AGPS: variants seen among roughly 807,000 people sequenced by gnomAD.
The protein encoded by AGPS is alkyldihydroxyacetonephosphate synthase, peroxisomal.
Under a neutral mutation model 90.7 loss-of-function variants are expected in AGPS, and 26 were observed. That is an observed-to-expected ratio of 0.29 (90% CI 0.21 to 0.40). The LOEUF is 0.40. Ranked by LOEUF, AGPS falls within the 10% of genes least tolerant of loss-of-function variation. The pLI is 1.00. For synonymous variants in AGPS, 294 were observed against 285.3 expected (o/e 1.03, Z -0.31); for missense variants, 540 against 816.1 (o/e 0.66, Z 4.12).
rs2105576480 is a variant in AGPS, at chr2:177,393,058, C to T, written c.260+9C>T. 1 of 1,550,266 alleles carries T rather than the reference C, an allele frequency of 6.5e-7. No individual in the cohort carries two copies. Among genetic ancestry groups the T allele is most frequent in the Non-Finnish European group, 8.7e-7 (1 of 1,146,770 alleles). On this transcript the variant is annotated intron_variant, in intron 1 of 19. Coordinates refer to ENST00000264167, the MANE Select transcript of AGPS (RefSeq NM_003659.4). ...ACCATCCCAAAGAAGCGGTGAGTAG[C>T]GGTATGTGGAAGGAGTTAGCGTCGA...
intron 1 of AGPS, among the ~76,000 whole-genome samples, chr2:177,394,152 T>G (rs983236541): frequency 6.6e-6 from 1 of 152,112 alleles, no homozygotes; most frequent in Non-Finnish European, 1.5e-5. Flanking sequence ...CATACATGAG[T>G]CTTTACAAAA....
intron 19 of AGPS, among the ~76,000 whole-genome samples, chr2:177,537,069 A>G (rs1302829736): frequency 7.9e-5 from 12 of 152,184 alleles, no homozygotes; most frequent in Admixed American, 7.9e-4. Flanking sequence ...TTTGAATTCA[A>G]TTAGTATGAT....
rs1043788537 is a variant in AGPS at position 177,540,900 on chromosome 2, T to A, written c.*2705T>A. 3 of 152,206 alleles carry A rather than the reference T, an allele frequency of 2.0e-5. No homozygotes were observed. Among genetic ancestry groups the A allele is most frequent in the East Asian group, 3.9e-4 (2 of 5,176 alleles). The allele number at this position is 152,206 out of a possible 1,614,324, so 9.4% of individuals were successfully genotyped here. On this transcript the variant is annotated 3_prime_UTR_variant, in exon 20 of 20. Coordinates refer to ENST00000264167, the MANE Select transcript of AGPS (RefSeq NM_003659.4). Reference sequence around the variant, plus strand: ...TTAGAGAAACTGTTGCCTTAATGTTTGGTGCAATTTCTAGTAGTGCATAAG... The same window carrying A: ...TTAGAGAAACTGTTGCCTTAATGTTAGGTGCAATTTCTAGTAGTGCATAAG...
At chr2:177,453,654 A>G (rs1167695746) in intron 8 of AGPS, among the ~76,000 whole-genome samples, 2 of 147,386 alleles carry the variant, frequency 1.4e-5, no homozygotes, top group Non-Finnish European at 3.0e-5. Flanking sequence ...CTTTATAACT[A>G]TAATACCATT....
chr2:177,423,696 C>G (rs1430242132), intron 2 of AGPS, among the ~76,000 whole-genome samples: 1 of 152,106 alleles, frequency 6.6e-6, no homozygotes, highest in African/African-American at 2.4e-5. Flanking sequence ...ACATTTCAAG[C>G]CCAGGCATTA....
intron 15 of AGPS, 49 bp from the exon 16 acceptor site, chr2:177,507,921 C>A: frequency 8.0e-7 from 1 of 1,246,706 alleles, no homozygotes; most frequent in South Asian, 1.2e-5. Context: ...GTTATTGATT[C>A]TTCTGCATCT....
At chr2:177,490,846 CTTTTTTTTTTTTTT>C (rs61555724) in intron 11 of AGPS, among the ~76,000 whole-genome samples, 2 of 58,200 alleles carry the variant, frequency 3.4e-5, no homozygotes, top group Non-Finnish European at 6.1e-5. Flanking sequence ...AAGTTGCAGA[CTTTTTTTTTTTTTT>C]TTTTTTTTTT....
intron 17 of AGPS, among the ~76,000 whole-genome samples, chr2:177,518,936 G>A (rs1162299061): frequency 1.3e-5 from 2 of 151,930 alleles, no homozygotes; most frequent in African/African-American, 2.4e-5. Context: ...TGAGGCCTAG[G>A]GAGAAAGGTG....
At chr2:177,524,760 GT>G (rs2079065937) in intron 19 of AGPS, among the ~76,000 whole-genome samples, 1 of 152,018 alleles carries the variant, frequency 6.6e-6, no homozygotes, top group African/African-American at 2.4e-5. Flanking sequence ...TTCTAGTTTT[GT>G]TTGTTGCTAT....
intron 10 of AGPS, among the ~76,000 whole-genome samples, chr2:177,474,136 A>C (rs1266877781): frequency 6.6e-6 from 1 of 152,212 alleles, no homozygotes; most frequent in African/African-American, 2.4e-5. Context: ...TAAAATTTGG[A>C]TATGTAGAAA....
chr2:177,494,305 G>A (rs1688350524), intron 12 of AGPS, among the ~76,000 whole-genome samples: 1 of 152,118 alleles, frequency 6.6e-6, no homozygotes, highest in African/African-American at 2.4e-5. Flanking sequence ...ATTCTTCTAA[G>A]TTAGTCATAA....
intron 5 of AGPS, among the ~76,000 whole-genome samples, chr2:177,437,782 A>G (rs1686458661): frequency 6.6e-6 from 1 of 152,112 alleles, no homozygotes; most frequent in Non-Finnish European, 1.5e-5. Flanking sequence ...AAATTGGCTC[A>G]TTCACGGACT....
chr2:177,415,123 A>G (rs959100301), intron 1 of AGPS, among the ~76,000 whole-genome samples: 3 of 152,026 alleles, frequency 2.0e-5, no homozygotes, highest in Non-Finnish European at 2.9e-5. Flanking sequence ...TCGTGTTTCT[A>G]TATGCATATC....
chr2:177,493,950 CTAAA>C (rs1688340868), intron 12 of AGPS, among the ~76,000 whole-genome samples: 1 of 151,882 alleles, frequency 6.6e-6, no homozygotes, highest in African/African-American at 2.4e-5. Flanking sequence ...ATGTGGAAGG[CTAAA>C]TAAAAGGAGG....
At chr2:177,432,534 C>T (rs1005170002) in intron 2 of AGPS, among the ~76,000 whole-genome samples, 4 of 152,196 alleles carry the variant, frequency 2.6e-5, no homozygotes, top group African/African-American at 4.8e-5. Context: ...TCCATGTATT[C>T]TGCAATGCTA....
intron 19 of AGPS, 128 bp from the exon 20 acceptor site, chr2:177,537,946 A>C (rs2079198703): frequency 1.5e-6 from 2 of 1,356,936 alleles, no homozygotes; most frequent in African/African-American, 1.4e-5. Context: ...AAATCAAATA[A>C]AGCAAAACAT....
intron 14 of AGPS, among the ~76,000 whole-genome samples, chr2:177,500,149 T>G (rs1688517167): frequency 6.6e-6 from 1 of 151,984 alleles, no homozygotes; most frequent in South Asian, 2.1e-4. Flanking sequence ...TTGTGTTTAA[T>G]CGAAGGTATT....
intron 1 of AGPS, among the ~76,000 whole-genome samples, chr2:177,397,272 C>T (rs1685208317): frequency 6.6e-6 from 1 of 152,066 alleles, no homozygotes; most frequent in Non-Finnish European, 1.5e-5. Context: ...CATATGTTCT[C>T]ATTATTTGAA....
intron 2 of AGPS, among the ~76,000 whole-genome samples, chr2:177,428,942 C>T (rs780417207): frequency 3.3e-5 from 5 of 152,144 alleles, no homozygotes; most frequent in Non-Finnish European, 4.4e-5. Context: ...CCATCTCTTT[C>T]GGGTACCCCA....
Sources: allele counts gnomAD v4.1 joint callset (sites outside exome capture counted in the v4.1 genomes callset), GRCh38; gene constraint gnomAD v4.1.1; transcripts MANE v1.5; gene names NCBI Gene and HGNC (gene_info 2026-07-23, HGNC 2026-07-21).